P2RY4: variants seen among roughly 807,000 people sequenced by gnomAD.
P2RY4 encodes the protein P2Y purinoceptor 4.
For missense variants in P2RY4, 291 were observed against 308.5 expected, an observed-to-expected ratio of 0.94 and a Z score of 0.42; for synonymous variants, 121 against 131.6, an observed-to-expected ratio of 0.92 and a Z score of 0.55.
At position 70,259,165 on chromosome X, in the gene P2RY4, G is replaced by C. The variant is rs762308521; in HGVS notation, c.460C>G (p.Leu154Val). The stretch of plus-strand genomic sequence containing the variant: ...ACCAACCAAACTGCCAGGCAGAGAA[G>C]GCCTGCGAGGCGAGGGCGGCCCCAG... ...LRWGRPRLAG[L>V]LCLAVWLVVA... Residue 154 changes from leucine (L) to valine (V), a missense_variant, in exon 1 of 1, where the codon CTT (leucine) becomes GTT (valine). By Grantham distance (32) the Leu-to-Val change is conservative (BLOSUM62 1). Coordinates refer to ENST00000374519, the MANE Select transcript of P2RY4 (RefSeq NM_002565.4). 3 of 1,212,213 alleles carry C rather than the reference G, an allele frequency of 2.5e-6. No individual in the cohort carries two copies. In the South Asian group the frequency reaches 5.3e-5, roughly 21 times the overall value.
In P2RY4 at chrX:70,259,079, G is replaced by A. The variant is rs1448658916; in HGVS notation, c.546C>T (p.Thr182=). ...GCCGAGTGGTGTCATGGCACAGGAC[G>A]GTGGTCCCTTTGTTGCTGGTTGTGA... ...FFVTTSNKGT[T]VLCHDTTRPE... Residue 182 remains threonine, a synonymous_variant, in exon 1 of 1, where the codon ACC becomes ACT. Transcript: ENST00000374519. 3 of 1,211,720 alleles carry A rather than the reference G, an allele frequency of 2.5e-6. No individual in the cohort carries two copies. The highest frequency in any genetic ancestry group is 2.2e-5 in the Admixed American group (1 of 46,083).
rs768910409 is a variant in P2RY4 at position 70,259,119 on chromosome X, G to C, written c.506C>G (p.Pro169Arg). The change falls in exon 1 of 1, where the codon CCC (proline) becomes CGC (arginine). Residue 169 changes from proline to arginine, a missense_variant. By Grantham distance (103) the Pro-to-Arg change is moderately radical (BLOSUM62 -2). Transcript: ENST00000374519. ...GCTGGTTGTGACAAAGAACAGGTTGGGCACGAGGCAGCCGGCTACGACCAA... is the reference window on the plus strand; with the variant it reads ...GCTGGTTGTGACAAAGAACAGGTTGCGCACGAGGCAGCCGGCTACGACCAA... ...VWLVVAGCLV[P>R]NLFFVTTSNK... 1 of 1,212,057 alleles carries C rather than the reference G, an allele frequency of 8.3e-7. No individual in the cohort carries two copies. Among genetic ancestry groups the C allele is most frequent in the Middle Eastern group, 2.3e-4 (1 of 4,356 alleles).
chrX:70,259,769 C>T lies in P2RY4; in HGVS notation c.-145G>A, dbSNP rs2085587591. 1 of 587,336 alleles carries T rather than the reference C, an allele frequency of 1.7e-6. No individual in the cohort carries two copies. The highest frequency in any genetic ancestry group is 2.6e-6 in the Non-Finnish European group (1 of 377,377). 48.4% of individuals were successfully genotyped at this position (587,336 alleles called of 1,213,427 possible). On this transcript the variant is annotated 5_prime_UTR_variant, in exon 1 of 1. Coordinates refer to ENST00000374519, the MANE Select transcript of P2RY4 (RefSeq NM_002565.4). ...GAGCTGACAGAAGCGCATCTGGGTG[C>T]ACTCAGGCTAGCCTGGCCCCTACCC...
chrX:70,258,996 C>A lies in P2RY4; in HGVS notation c.629G>T (p.Gly210Val). 1 of 1,211,870 alleles carries A rather than the reference C, an allele frequency of 8.3e-7. No individual in the cohort carries two copies. Among genetic ancestry groups the A allele is most frequent in the Non-Finnish European group, 1.1e-6 (1 of 895,404 alleles). Reference protein sequence around the residue: ...FSSAVMGLLFGVPCLVTLVCY... With the variant: ...FSSAVMGLLFVVPCLVTLVCY... ...AACAAGAGTGACCAGGCAGGGCACGCCAAAGAGCAGCCCCATGACCGCCGA... is the reference window on the plus strand; with the variant it reads ...AACAAGAGTGACCAGGCAGGGCACGACAAAGAGCAGCCCCATGACCGCCGA... The change falls in exon 1 of 1, where the codon GGC becomes GTC. Residue 210 changes from glycine to valine, a missense_variant. Gly to Val is a moderately radical substitution (Grantham distance 109). Coordinates refer to ENST00000374519, the MANE Select transcript of P2RY4 (RefSeq NM_002565.4).
At position 70,258,640 on chromosome X, in the gene P2RY4, G is replaced by A. The variant is rs755339177; in HGVS notation, c.985C>T (p.Arg329Cys). 17 of 1,210,735 alleles carry A rather than the reference G, an allele frequency of 1.4e-5. No homozygotes were observed. Among genetic ancestry groups the A allele is most frequent in the Middle Eastern group, 2.3e-4 (1 of 4,372 alleles). ...AGTGCCAGGGAAGAGGCAGCCGTGCGGGGCTGGGGCTTGCCACCACCACAG... is the reference window on the plus strand; with the variant it reads ...AGTGCCAGGGAAGAGGCAGCCGTGCAGGGCTGGGGCTTGCCACCACCACAG... The part of the protein sequence containing the change: ...QLCGGGKPQP[R>C]TAASSLALVS... Residue 329 changes from arginine to cysteine, a missense_variant, in exon 1 of 1, where the codon CGC becomes TGC. Arg to Cys is a radical substitution (Grantham distance 180). Transcript: ENST00000374519.
rs765081156 is a variant in P2RY4 at position 70,259,250 on chromosome X, G to GAA, written c.373_374dup (p.Leu126SerfsTer39). On this transcript the variant is annotated frameshift_variant, in exon 1 of 1. Coordinates refer to ENST00000374519, the MANE Select transcript of P2RY4 (RefSeq NM_002565.4). LOFTEE classifies it low-confidence loss of function (END_TRUNC). ...AGCGGTGCACGCTGATGCAGGTGAGGAAAAGGACACTGCAGTAGAGGTTCC... is the reference window on the plus strand; with the variant it reads ...AGCGGTGCACGCTGATGCAGGTGAGGAAAAAAGGACACTGCAGTAGAGGTTCC... The GAA allele has an allele frequency of 8.3e-7, 1 of 1,211,367 alleles. No homozygotes were observed. The highest frequency in any genetic ancestry group is 1.7e-5 in the African/African-American group (1 of 57,682).
chrX:70,259,138 C>G lies in P2RY4; in HGVS notation c.487G>C (p.Val163Leu), dbSNP rs761152273. 3 of 1,212,207 alleles carry G rather than the reference C, an allele frequency of 2.5e-6. No individual in the cohort carries two copies. The Admixed American group carries it at 6.5e-5, about 26-fold the overall frequency. ...GLLCLAVWLV[V>L]AGCLVPNLFF... ...AGGTTGGGCACGAGGCAGCCGGCTA[C>G]GACCAACCAAACTGCCAGGCAGAGA... Residue 163 changes from valine to leucine, a missense_variant, in exon 1 of 1, where the codon GTA becomes CTA. Val to Leu is a conservative substitution (Grantham distance 32). Transcript: ENST00000374519.
At position 70,258,335 on chromosome X, in the gene P2RY4, G is replaced by T; in HGVS notation, c.*192C>A. 1 of 404,535 alleles carries T rather than the reference G, an allele frequency of 2.5e-6. No homozygotes were observed. The allele number at this position is 404,535 out of a possible 1,213,427, so 33.3% of individuals were successfully genotyped here. A position where few individuals can be genotyped will look rare whatever the true frequency, so the allele number is the denominator to read the frequency against. ...GTAGAAGATTGGCATTGGCTAAAAA[G>T]AGTCGGCAACTGAAGGGGTTATGAG... On this transcript the variant is annotated 3_prime_UTR_variant, in exon 1 of 1. Transcript: ENST00000374519.
chrX:70,259,700 C>CA lies in P2RY4; in HGVS notation c.-77dup. 2 of 971,885 alleles carry CA rather than the reference C, an allele frequency of 2.1e-6. No individual in the cohort carries two copies. Among genetic ancestry groups the CA allele is most frequent in the Non-Finnish European group, 2.8e-6 (2 of 723,179 alleles). The allele number at this position is 971,885 out of a possible 1,213,427, so 80.1% of individuals were successfully genotyped here. A position where few individuals can be genotyped will look rare whatever the true frequency, so the allele number is the denominator to read the frequency against. On this transcript the variant is annotated 5_prime_UTR_variant, in exon 1 of 1. Transcript: ENST00000374519. ...GCCCACCCCCATCCCTGAGCTGGAG[C>CA]AAAAAAAGTAGAGCAGGGAGAGCAG... is the stretch of plus-strand genomic sequence containing the variant.
rs1449060656 is a variant in P2RY4, at chrX:70,259,443, A to G, written c.182T>C (p.Ile61Thr). The change falls in exon 1 of 1, where the codon ATC becomes ACC. Residue 61 changes from isoleucine to threonine, a missense_variant. Ile to Thr is a moderately conservative substitution (Grantham distance 89). Coordinates refer to ENST00000374519, the MANE Select transcript of P2RY4 (RefSeq NM_002565.4). ...GLNAPTLWLF[I>T]FRLRPWDATA... is the part of the protein sequence containing the mutation. Reference sequence around the variant, plus strand: ...TGCATCCCAGGGTCGGAGGCGGAAGATGAAGAGCCATAGGGTTGGGGCGTT... The same window carrying G: ...TGCATCCCAGGGTCGGAGGCGGAAGGTGAAGAGCCATAGGGTTGGGGCGTT... 3 of 1,210,266 alleles carry G rather than the reference A, an allele frequency of 2.5e-6. No individual in the cohort carries two copies. Among genetic ancestry groups the G allele is most frequent in the African/African-American group, 1.7e-5 (1 of 57,461 alleles).
Position 70,259,004 on chromosome X carries a change from C to T in P2RY4, c.621G>A (p.Leu207=). ...YVHFSSAVMG[L]LFGVPCLVTL... ...TGACCAGGCAGGGCACGCCAAAGAG[C>T]AGCCCCATGACCGCCGAGCTGAAGT... The change falls in exon 1 of 1, where the codon CTG becomes CTA. Residue 207 remains leucine (L), a synonymous_variant. Coordinates refer to ENST00000374519, the MANE Select transcript of P2RY4 (RefSeq NM_002565.4). The T allele has an allele frequency of 8.3e-7, 1 of 1,211,778 alleles. No individual in the cohort carries two copies. The highest frequency in any genetic ancestry group is 1.1e-6 in the Non-Finnish European group (1 of 895,346).
Position 70,260,020 on chromosome X carries a change from T to C in P2RY4, c.-396A>G, listed in dbSNP as rs1301897499. On this transcript the variant is annotated 5_prime_UTR_variant, in exon 1 of 1. Coordinates refer to ENST00000374519, the MANE Select transcript of P2RY4 (RefSeq NM_002565.4). ...CACAGCTATATCCCTGGAAGAGGAG[T>C]GTCTCTCCCCACAGTGCCTTCGCCT... 8.9e-6 allele frequency among the ~76,000 whole-genome samples: 1 copy of C among 111,766 alleles called. No individual in the cohort carries two copies. Among genetic ancestry groups the C allele is most frequent in the East Asian group, 2.8e-4 (1 of 3,542 alleles).
Position 70,259,329 on chromosome X carries a change from T to A in P2RY4, c.296A>T (p.Asn99Ile). 8.3e-7 allele frequency: 1 copy of A among 1,211,719 alleles called. No individual in the cohort carries two copies. Among genetic ancestry groups the A allele is most frequent in the Non-Finnish European group, 1.1e-6 (1 of 895,339 alleles). ...PTLIYYYAAH[N>I]HWPFGTEICK... ...GATCTCAGTGCCAAAGGGCCAGTGG[T>A]TGTGGGCTGCATAATAGTAGATGAG... Residue 99 changes from asparagine to isoleucine, a missense_variant, in exon 1 of 1, where the codon AAC (asparagine) becomes ATC (isoleucine). By Grantham distance (149) the Asn-to-Ile change is moderately radical. Transcript: ENST00000374519.
chrX:70,260,115 C>T lies in P2RY4; in HGVS notation c.-491G>A. On this transcript the variant is annotated 5_prime_UTR_variant, in exon 1 of 1. Transcript: ENST00000374519. ...TGACACCTTCCCCACTGCCTGCCTA[C>T]AGCCCAGGAGCCCCATTGCCACCCT... is the stretch of plus-strand genomic sequence containing the variant. 1.8e-5 allele frequency among the ~76,000 whole-genome samples: 2 copies of T among 111,844 alleles called. No individual in the cohort carries two copies. Among genetic ancestry groups the T allele is most frequent in the Middle Eastern group, 9.2e-3 (2 of 218 alleles).
Position 70,258,848 on chromosome X carries a change from C to T in P2RY4, c.777G>A (p.Val259=), listed in dbSNP as rs2085581248. 1.7e-6 allele frequency: 2 copies of T among 1,210,175 alleles called. No homozygotes were observed. Among genetic ancestry groups the T allele is most frequent in the African/African-American group, 1.7e-5 (1 of 57,329 alleles). The change falls in exon 1 of 1, where the codon GTG becomes GTA. Residue 259 remains valine (V), a synonymous_variant. Transcript: ENST00000374519. ...AAATGGTGCGGGTGATGTGGAAAGG[C>T]ACGAAGCAGACAGCAAAGACAGTCA... ...VVLTVFAVCF[V]PFHITRTIYY...
rs150471339 is a variant in P2RY4 at position 70,259,396 on chromosome X, G to T, written c.229C>A (p.Leu77Met). Residue 77 changes from leucine to methionine, a missense_variant, in exon 1 of 1, where the codon CTG becomes ATG. Transcript: ENST00000374519. Reference sequence around the variant, plus strand: ...ACATACAAGGTGTCTGACAATGCCAGGTGGAACATGTAGGTGGCCGTTGCA... The same window carrying T: ...ACATACAAGGTGTCTGACAATGCCATGTGGAACATGTAGGTGGCCGTTGCA... ...WDATATYMFHLALSDTLYVLS... is the reference protein window; with the variant it reads ...WDATATYMFHMALSDTLYVLS... 8.2e-7 allele frequency: 1 copy of T among 1,212,169 alleles called. No individual in the cohort carries two copies. Among genetic ancestry groups the T allele is most frequent in the Non-Finnish European group, 1.1e-6 (1 of 895,454 alleles).
In P2RY4 at chrX:70,259,601, C is replaced by A. The variant is rs752588394; in HGVS notation, c.24G>T (p.Leu8=). MASTESS[L]LRSLGLSPGP... is the part of the protein sequence containing the mutation. ...CTGGGCTGAGGCCTAGGGATCTCAACAGGGAGGACTCTGTACTGGCCATGG... is the reference window on the plus strand; with the variant it reads ...CTGGGCTGAGGCCTAGGGATCTCAAAAGGGAGGACTCTGTACTGGCCATGG... The change falls in exon 1 of 1, where the codon CTG becomes CTT. Residue 8 remains leucine, a synonymous_variant. Coordinates refer to ENST00000374519, the MANE Select transcript of P2RY4 (RefSeq NM_002565.4). The A allele has an allele frequency of 1.7e-6, 2 of 1,202,127 alleles. No individual in the cohort carries two copies. The highest frequency in any genetic ancestry group is 3.5e-5 in the African/African-American group (2 of 57,857).
In P2RY4 at chrX:70,258,543, C is replaced by T. The variant is rs1416852718; in HGVS notation, c.1082G>A (p.Arg361Lys). The T allele has an allele frequency of 5.0e-6, 6 of 1,196,488 alleles. No homozygotes were observed. Among genetic ancestry groups the T allele is most frequent in the Non-Finnish European group, 6.8e-6 (6 of 886,808 alleles). ...CTTCCCGTGTTACAATCTATCTGCCCTAGGAGTAGAGCAGCTACTGTCCTG... is the reference window on the plus strand; with the variant it reads ...CTTCCCGTGTTACAATCTATCTGCCTTAGGAGTAGAGCAGCTACTGTCCTG... The part of the protein sequence containing the change: ...TPQDSSCSTP[R>K]ADRL The change falls in exon 1 of 1, where the codon AGG (arginine) becomes AAG (lysine). Residue 361 changes from arginine (R) to lysine (K), a missense_variant. Coordinates refer to ENST00000374519, the MANE Select transcript of P2RY4 (RefSeq NM_002565.4).
In P2RY4 at chrX:70,258,731, G is replaced by A. The variant is rs1166725119; in HGVS notation, c.894C>T (p.Asn298=). The A allele has an allele frequency of 8.3e-7, 1 of 1,210,672 alleles. No individual in the cohort carries two copies. Among genetic ancestry groups the A allele is most frequent in the East Asian group, 3.0e-5 (1 of 33,774 alleles). Residue 298 remains asparagine, a synonymous_variant, in exon 1 of 1, where the codon AAC becomes AAT. Coordinates refer to ENST00000374519, the MANE Select transcript of P2RY4 (RefSeq NM_002565.4). Reference sequence around the variant, plus strand: ...AGTAGAGCACAGGATCCAGGCAGCTGTTGGCACTGGCCAGGGGCCGAGTCA... The same window carrying A: ...AGTAGAGCACAGGATCCAGGCAGCTATTGGCACTGGCCAGGGGCCGAGTCA... ...YKVTRPLASA[N]SCLDPVLYLL...
Sources: allele counts gnomAD v4.1 joint callset (sites outside exome capture counted in the v4.1 genomes callset), GRCh38; gene constraint gnomAD v4.1.1; transcripts MANE v1.5; gene names NCBI Gene and HGNC (gene_info 2026-07-23, HGNC 2026-07-21).